FER1L6: variants seen among roughly 807,000 people sequenced by gnomAD.
The protein encoded by FER1L6 is fer-1 like family member 6, also known as fer-1-like protein 6.
A neutral mutation model predicts 219.2 loss-of-function variants in FER1L6; 177 were observed. That is an observed-to-expected ratio of 0.81 (90% CI 0.71 to 0.91). The LOEUF (loss-of-function observed/expected upper bound fraction) is 0.91. FER1L6 is among the 40% of genes least tolerant of loss of function. The probability of loss-of-function intolerance (pLI) is 0.00; values close to 1 mark genes in which losing one functional copy is unlikely to be tolerated. For missense variants in FER1L6, 2,153 were observed against 2,259.9 expected (o/e 0.95, Z 0.96); for synonymous variants, 768 against 824.3 (o/e 0.93, Z 1.17).
intron 1 of FER1L6, among the ~76,000 whole-genome samples, chr8:123,887,240 T>C (rs1471002057): frequency 6.6e-6 from 1 of 152,176 alleles, no homozygotes; most frequent in African/African-American, 2.4e-5. Context: ...AAGCCTTCTT[T>C]CTTGGCAATA....
chr8:124,083,821 T>C (rs4500064), intron 33 of FER1L6, among the ~76,000 whole-genome samples: 132,227 of 152,142 alleles, frequency 0.87, 57,665 homozygotes, highest in Non-Finnish European at 0.89. Context: ...GTCATTGGTA[T>C]TTTGATAGAG....
At chr8:123,897,645 C>T (rs1239719873) in intron 1 of FER1L6, among the ~76,000 whole-genome samples, 1 of 152,158 alleles carries the variant, frequency 6.6e-6, no homozygotes, top group African/African-American at 2.4e-5. Flanking sequence ...GATGATTTTG[C>T]ATGTCCAGGT....
chr8:123,982,982 G>A (rs1816386285), intron 11 of FER1L6, among the ~76,000 whole-genome samples: 1 of 152,194 alleles, frequency 6.6e-6, no homozygotes, highest in Non-Finnish European at 1.5e-5. Flanking sequence ...TATCTGCTAT[G>A]TTCTGTTTGT....
intron 1 of FER1L6, among the ~76,000 whole-genome samples, chr8:123,925,473 A>G (rs1395678941): frequency 1.3e-5 from 2 of 152,228 alleles, no homozygotes; most frequent in African/African-American, 4.8e-5. Flanking sequence ...CATATCAGCT[A>G]TAAGGCACCA....
At chr8:123,925,242 A>C (rs1586472600) in intron 1 of FER1L6, among the ~76,000 whole-genome samples, 2 of 152,130 alleles carry the variant, frequency 1.3e-5, no homozygotes, top group South Asian at 4.1e-4. Flanking sequence ...CTATGAGGGA[A>C]CCCAGGGACC....
At position 123,980,606 on chromosome 8, in the gene FER1L6, CT is replaced by C. The variant is rs1816279586; in HGVS notation, c.1206del (p.Val403TrpfsTer17). 1 of 1,614,006 alleles carries C rather than the reference CT, an allele frequency of 6.2e-7. No homozygotes were observed. The highest frequency in any genetic ancestry group is 8.5e-7 in the Non-Finnish European group (1 of 1,180,028). ...SFRGRILVEI[A>X]VEILSGRAQE... Reference sequence around the variant, plus strand: ...AGGGGCAGAATCTTGGTAGAAATTGCTGTGGAAATCCTCTCAGGACGGGCAC... The same window carrying C: ...AGGGGCAGAATCTTGGTAGAAATTGCGTGGAAATCCTCTCAGGACGGGCAC... On this transcript the variant is annotated frameshift_variant, in exon 11 of 41. Transcript: ENST00000522917. LOFTEE classifies it high-confidence loss of function.
intron 1 of FER1L6, among the ~76,000 whole-genome samples, chr8:123,883,475 A>G (rs1264223675): frequency 6.6e-6 from 1 of 152,188 alleles, no homozygotes; most frequent in Non-Finnish European, 1.5e-5. Context: ...ATGCACAGTA[A>G]ACACTCAGTG....
At chr8:124,060,370 T>C in intron 23 of FER1L6, 80 bp downstream of exon 23, 4 of 1,476,254 alleles carry the variant, frequency 2.7e-6, no homozygotes, top group Non-Finnish European at 2.8e-6. Context: ...AGAGGTGATA[T>C]GGAATGGGCG....
chr8:123,919,898 G>A (rs1038974557), intron 1 of FER1L6, among the ~76,000 whole-genome samples: 5 of 152,184 alleles, frequency 3.3e-5, no homozygotes. Flanking sequence ...CCAGCAAGGG[G>A]GAGCAGGTGG....
At chr8:124,106,278 G>A (rs1370381615) in intron 39 of FER1L6, among the ~76,000 whole-genome samples, 6 of 137,594 alleles carry the variant, frequency 4.4e-5, no homozygotes, top group East Asian at 4.6e-4. Context: ...GCAGTGAGCC[G>A]AGATCGTGCC....
chr8:124,000,285 C>T (rs1817344082), intron 12 of FER1L6, among the ~76,000 whole-genome samples: 2 of 152,200 alleles, frequency 1.3e-5, no homozygotes, highest in African/African-American at 2.4e-5. Flanking sequence ...CAATTCAAGA[C>T]TGTTTTTCCT....
intron 1 of FER1L6, among the ~76,000 whole-genome samples, chr8:123,954,451 A>G (rs1814923433): frequency 6.6e-6 from 1 of 152,208 alleles, no homozygotes; most frequent in Non-Finnish European, 1.5e-5. Context: ...AAAGCAGGAC[A>G]TACATTGAAT....
At chr8:123,976,160 C>T (rs1189797355) in intron 9 of FER1L6, 76 bp downstream of exon 9, 5 of 1,205,118 alleles carry the variant, frequency 4.1e-6, no homozygotes, top group African/African-American at 3.1e-5. Flanking sequence ...TTAATCAAAT[C>T]AAATTAATAA....
At position 124,119,825 on chromosome 8, in the gene FER1L6, T is replaced by C; in HGVS notation, c.*35T>C. The C allele has an allele frequency of 1.2e-6, 2 of 1,601,788 alleles. No individual in the cohort carries two copies. The highest frequency in any genetic ancestry group is 1.7e-6 in the Non-Finnish European group (2 of 1,173,820). On this transcript the variant is annotated 3_prime_UTR_variant, in exon 41 of 41. Transcript: ENST00000522917. ...GAGGACCCAGATCCTCGCCATATACTAATCCTCTCTTCCTTATCTGGGAGC... is the reference window on the plus strand; with the variant it reads ...GAGGACCCAGATCCTCGCCATATACCAATCCTCTCTTCCTTATCTGGGAGC...
intron 19 of FER1L6, among the ~76,000 whole-genome samples, chr8:124,036,477 T>A (rs1247459118): frequency 6.6e-6 from 1 of 152,230 alleles, no homozygotes; most frequent in Non-Finnish European, 1.5e-5. Flanking sequence ...ACTCTTCATC[T>A]TTCAGATGAA....
At chr8:123,991,818 G>A (rs1414443359) in intron 12 of FER1L6, among the ~76,000 whole-genome samples, 1 of 151,968 alleles carries the variant, frequency 6.6e-6, no homozygotes, top group Non-Finnish European at 1.5e-5. Context: ...ATATAATGTT[G>A]GCTGAGGGCT....
intron 7 of FER1L6, among the ~76,000 whole-genome samples, chr8:123,974,090 A>C (rs1563718173): frequency 6.6e-6 from 1 of 152,206 alleles, no homozygotes; most frequent in Non-Finnish European, 1.5e-5. Context: ...AAAGCAACGT[A>C]ATTTGTTCAA....
At chr8:123,948,577 T>A (rs1052024005) in intron 1 of FER1L6, among the ~76,000 whole-genome samples, 5 of 152,182 alleles carry the variant, frequency 3.3e-5, no homozygotes, top group African/African-American at 1.2e-4. Flanking sequence ...GAATTTTTGA[T>A]GCTATTATAA....
intron 12 of FER1L6, among the ~76,000 whole-genome samples, chr8:123,996,573 A>ATTT (rs1817145020): frequency 6.6e-6 from 1 of 151,834 alleles, no homozygotes; most frequent in Non-Finnish European, 1.5e-5. Context: ...TTGTGTTTTT[A>ATTT]TTTATTCTGC....
Sources: allele counts gnomAD v4.1 joint callset (sites outside exome capture counted in the v4.1 genomes callset), GRCh38; gene constraint gnomAD v4.1.1; transcripts MANE v1.5; gene names NCBI Gene and HGNC (gene_info 2026-07-23, HGNC 2026-07-21).